The following LOXHD1 variants were observed in gnomAD, a reference collection of about 807,000 sequenced individuals.
The protein encoded by LOXHD1 is lipoxygenase homology PLAT domains 1.
A neutral mutation model predicts 248.2 loss-of-function variants in LOXHD1; 205 were observed. That is an observed-to-expected ratio of 0.83 (90% CI 0.74 to 0.93). LOXHD1 has a LOEUF of 0.93. LOXHD1 is among the 40% of genes least tolerant of loss of function. The probability of loss-of-function intolerance (pLI) is 0.00; values close to 1 mark genes in which losing one functional copy is unlikely to be tolerated. For missense variants in LOXHD1, 2,930 were observed against 2,971.6 expected (o/e 0.99, Z 0.33); for synonymous variants, 1,113 against 1,162.8 (o/e 0.96, Z 0.87).
intron 34 of LOXHD1, among the ~76,000 whole-genome samples, chr18:46,511,917 T>C (rs2143993016): frequency 6.6e-6 from 1 of 152,270 alleles, no homozygotes; most frequent in South Asian, 2.1e-4. Flanking sequence ...TGAAATCACC[T>C]TTGAAAAAAT....
chr18:46,644,786 T>C (rs1471792438), intron 2 of LOXHD1, among the ~76,000 whole-genome samples: 1 of 152,100 alleles, frequency 6.6e-6, no homozygotes. Flanking sequence ...TGAACGTGAA[T>C]ACATACGTTC....
At chr18:46,490,681 G>A (rs1159771119) in intron 37 of LOXHD1, among the ~76,000 whole-genome samples, 1 of 152,114 alleles carries the variant, frequency 6.6e-6, no homozygotes, top group Non-Finnish European at 1.5e-5. Context: ...CTCCATGTTG[G>A]TCAGGCTGGT....
intron 1 of LOXHD1, among the ~76,000 whole-genome samples, chr18:46,655,732 T>G (rs1369048999): frequency 5.9e-5 from 9 of 152,196 alleles, no homozygotes; most frequent in Non-Finnish European, 1.2e-4. Context: ...CCCAGGACTG[T>G]GCAGGGGCTG....
At chr18:46,575,672 G>A (rs2037839822) in intron 14 of LOXHD1, among the ~76,000 whole-genome samples, 1 of 152,144 alleles carries the variant, frequency 6.6e-6, no homozygotes, top group African/African-American at 2.4e-5. Flanking sequence ...AGCGCCTTCT[G>A]AGGGGTGCAG....
At chr18:46,563,283 T>C in intron 17 of LOXHD1, 58 bp from the exon 18 acceptor site, 6 of 1,421,262 alleles carry the variant, frequency 4.2e-6, no homozygotes, top group South Asian at 3.2e-5. Context: ...ATAACAATGA[T>C]AGTAACAAAA....
chr18:46,482,202 G>A (rs1481120497), intron 40 of LOXHD1, among the ~76,000 whole-genome samples: 4 of 152,172 alleles, frequency 2.6e-5, no homozygotes, highest in African/African-American at 9.7e-5. Flanking sequence ...AGCTCAAGAG[G>A]GAAGTTGCTA....
intron 21 of LOXHD1, among the ~76,000 whole-genome samples, chr18:46,552,162 T>C (rs574300600): frequency 2.6e-4 from 40 of 152,210 alleles, no homozygotes; most frequent in Non-Finnish European, 4.6e-4. Flanking sequence ...ACTATTGAAC[T>C]GTACACTTAA....
intron 13 of LOXHD1, 129 bp from the exon 14 acceptor site, chr18:46,577,996 G>T (rs1444307534): frequency 1.1e-6 from 1 of 902,756 alleles, no homozygotes. Flanking sequence ...TTTCACACAT[G>T]GGACAGGAGC....
rs368944838 is a variant in LOXHD1 at position 46,508,928 on chromosome 18, T to C, written c.5517+770A>G. ...TCTGCCCTGGAGCAGCAAGTGTTAA[T>C]GACTCTCCTCTGGGCAGCCTGAAGG... On this transcript the variant is annotated intron_variant, in intron 35 of 40. Transcript: ENST00000642948. Among the ~76,000 whole-genome samples the C allele has an allele frequency of 3.2e-3, 481 of 152,300 alleles. 1 individual carries two copies. Among genetic ancestry groups the C allele is most frequent in the African/African-American group, 0.011 (451 of 41,562 alleles).
chr18:46,656,884 C>T lies in LOXHD1; in HGVS notation c.130+20G>A, dbSNP rs1170074111. 31 of 1,549,826 alleles carry T rather than the reference C, an allele frequency of 2.0e-5. No homozygotes were observed. In the East Asian group the frequency reaches 3.2e-4, roughly 16 times the overall value. On this transcript the variant is annotated intron_variant, in intron 1 of 40. Transcript: ENST00000642948. ...GCAGCCAGCTGCACCACCCGCCCCCCGCAGGCTGGGACCCCGCACCTCTGG... is the reference window on the plus strand; with the variant it reads ...GCAGCCAGCTGCACCACCCGCCCCCTGCAGGCTGGGACCCCGCACCTCTGG...
At chr18:46,541,609 G>T (rs1396508115) in intron 25 of LOXHD1, among the ~76,000 whole-genome samples, 167 bp downstream of exon 25, 1 of 152,146 alleles carries the variant, frequency 6.6e-6, no homozygotes, top group Admixed American at 6.5e-5. Context: ...CCAGAACTCT[G>T]CCCACAGCCC....
intron 28 of LOXHD1, 105 bp downstream of exon 28, chr18:46,533,057 C>A: frequency 2.4e-6 from 3 of 1,262,810 alleles, no homozygotes; most frequent in Non-Finnish European, 3.3e-6. Flanking sequence ...AACAACAGAC[C>A]CTACTCCTGG....
chr18:46,507,176 C>T (rs2034627172), intron 36 of LOXHD1, among the ~76,000 whole-genome samples: 1 of 152,198 alleles, frequency 6.6e-6, no homozygotes, highest in Non-Finnish European at 1.5e-5. Context: ...GGTAGATGGC[C>T]ACCAAGCACA....
intron 21 of LOXHD1, among the ~76,000 whole-genome samples, chr18:46,549,918 T>C (rs913738009): frequency 6.6e-6 from 1 of 152,236 alleles, no homozygotes; most frequent in Non-Finnish European, 1.5e-5. Flanking sequence ...ACACTAAACA[T>C]ATTCCCAGCT....
intron 24 of LOXHD1, among the ~76,000 whole-genome samples, chr18:46,542,353 C>A (rs974534877): frequency 6.6e-5 from 10 of 152,160 alleles, no homozygotes; most frequent in Non-Finnish European, 1.5e-4. Flanking sequence ...GCAATTGAAT[C>A]AAAGGCTCTG....
At chr18:46,536,481 C>A (rs1166414910) in intron 26 of LOXHD1, among the ~76,000 whole-genome samples, 1 of 152,078 alleles carries the variant, frequency 6.6e-6, no homozygotes. Flanking sequence ...CTCTCACACT[C>A]CCCCCAAATC....
intron 20 of LOXHD1, 55 bp from the exon 21 acceptor site, chr18:46,557,544 C>A: frequency 6.5e-7 from 1 of 1,546,178 alleles, no homozygotes; most frequent in Non-Finnish European, 8.7e-7. Context: ...CCCCACATGG[C>A]CATCAGCCCC....
intron 4 of LOXHD1, among the ~76,000 whole-genome samples, chr18:46,632,624 A>G (rs573937615): frequency 1.3e-5 from 2 of 152,242 alleles, no homozygotes; most frequent in African/African-American, 4.8e-5. Context: ...CACATCCATG[A>G]CAACAGAAGG....
At chr18:46,534,592 C>T in intron 26 of LOXHD1, 141 bp from the exon 27 acceptor site, 1 of 682,386 alleles carries the variant, frequency 1.5e-6, no homozygotes, top group Non-Finnish European at 2.6e-6. Context: ...CCAGCCAGGC[C>T]AGCTCCCATT....
Sources: gnomAD v4.1 joint callset for allele counts (sites outside exome capture counted in the v4.1 genomes callset) on GRCh38, gnomAD v4.1.1 for gene constraint, MANE v1.5 for transcripts, NCBI Gene and HGNC (gene_info 2026-07-23, HGNC 2026-07-21) for gene names.